PRR5L: variants seen among roughly 807,000 people sequenced by gnomAD.
PRR5L encodes the protein proline rich 5 like.
PRR5L carries 21 observed loss-of-function variants against 36.4 expected under a neutral mutation model. That is an observed-to-expected ratio of 0.58 (90% confidence interval 0.41 to 0.83). PRR5L has a LOEUF of 0.83. Ranked by LOEUF, PRR5L falls within the 40% of genes least tolerant of loss-of-function variation. The pLI, the probability that PRR5L is intolerant of heterozygous loss-of-function variation, is 0.00. For missense variants in PRR5L, 381 were observed against 473.3 expected (o/e 0.80, Z 1.81); for synonymous variants, 188 against 197.0 (o/e 0.95, Z 0.38).
At chr11:36,312,868 T>C (rs765589742) in intron 1 of PRR5L, among the ~76,000 whole-genome samples, 11 of 152,230 alleles carry the variant, frequency 7.2e-5, no homozygotes, top group Non-Finnish European at 1.5e-4. Context: ...TAGAACCAAG[T>C]CTATGGTTTC....
intron 1 of PRR5L, among the ~76,000 whole-genome samples, chr11:36,310,727 G>A (rs1332363579): frequency 6.6e-6 from 1 of 152,094 alleles, no homozygotes; most frequent in Non-Finnish European, 1.5e-5. Flanking sequence ...GGCTGGGTGT[G>A]GTGGCTCACG....
chr11:36,360,492 T>C (rs752563139), intron 1 of PRR5L, among the ~76,000 whole-genome samples: 45 of 152,104 alleles, frequency 3.0e-4, no homozygotes, highest in Non-Finnish European at 1.3e-4. Flanking sequence ...CAGGAAACCA[T>C]GACAAATATC....
intron 1 of PRR5L, among the ~76,000 whole-genome samples, chr11:36,333,597 T>A (rs1051485116): frequency 6.6e-6 from 1 of 152,194 alleles, no homozygotes; most frequent in Non-Finnish European, 1.5e-5. Flanking sequence ...TCAAAATAGT[T>A]ATGCTGAATG....
chr11:36,349,640 T>C (rs1426616753), intron 1 of PRR5L, among the ~76,000 whole-genome samples: 5 of 152,190 alleles, frequency 3.3e-5, no homozygotes, highest in Non-Finnish European at 2.9e-5. Flanking sequence ...CACAGTGTGT[T>C]TGAGGCACAT....
chr11:36,376,241 A>G, intron 1 of PRR5L: 1 of 1,241,244 alleles, frequency 8.1e-7, no homozygotes, highest in South Asian at 1.3e-5. Context: ...GGGTGAAGTG[A>G]GTTGGGGGAC....
chr11:36,451,143 A>G (rs1858935987), intron 7 of PRR5L, 66 bp from the exon 8 acceptor site: 2 of 1,581,678 alleles, frequency 1.3e-6, no homozygotes, highest in Non-Finnish European at 1.7e-6. Context: ...GGATTTGTTG[A>G]GTGAGAACCT....
intron 8 of PRR5L, among the ~76,000 whole-genome samples, chr11:36,455,793 G>C (rs1186208830): frequency 6.6e-6 from 1 of 152,192 alleles, no homozygotes; most frequent in African/African-American, 2.4e-5. Flanking sequence ...GGCCCAGCAG[G>C]CCTGACCTCC....
chr11:36,401,066 G>GTATCATTAAAAAA lies in PRR5L; in HGVS notation c.-56_-55insTATCATTAAAAAA. 6.3e-7 allele frequency: 1 copy of GTATCATTAAAAAA among 1,587,574 alleles called. No homozygotes were observed. The highest frequency in any genetic ancestry group is 1.7e-5 in the Admixed American group (1 of 57,320). Reference sequence around the variant, plus strand: ...GGCAGCCCCTGGAGAAGCCCTTTCCGAGGGCATTCGGAACCTTCTGGTCCT... The same window carrying GTATCATTAAAAAA: ...GGCAGCCCCTGGAGAAGCCCTTTCCGTATCATTAAAAAAAGGGCATTCGGAACCTTCTGGTCCT... On this transcript the variant is annotated 5_prime_UTR_variant, in exon 2 of 9. Coordinates refer to ENST00000530639, the MANE Select transcript of PRR5L (RefSeq NM_001160167.2).
At chr11:36,378,889 C>A (rs184209265) in intron 1 of PRR5L, among the ~76,000 whole-genome samples, 1 of 152,300 alleles carries the variant, frequency 6.6e-6, no homozygotes, top group East Asian at 1.9e-4. Context: ...GCCATACACA[C>A]AGGGATGGAG....
At chr11:36,416,876 T>C (rs192059725) in intron 3 of PRR5L, among the ~76,000 whole-genome samples, 20 of 152,280 alleles carry the variant, frequency 1.3e-4, no homozygotes, top group African/African-American at 4.8e-4. Flanking sequence ...AGGATGCTTT[T>C]CTGCATCCCG....
rs371086559 is a variant in PRR5L at position 36,417,001 on chromosome 11, T to C, written c.246-2254T>C. 3.9e-5 allele frequency among the ~76,000 whole-genome samples: 6 copies of C among 152,298 alleles called. No individual in the cohort carries two copies. In the South Asian group the frequency reaches 6.2e-4, roughly 16 times the overall value. On this transcript the variant is annotated intron_variant, in intron 3 of 8. Transcript: ENST00000530639. The stretch of plus-strand genomic sequence containing the variant: ...CTGCTCTCCAGGAGTGTGTCCATAG[T>C]TTTTTATTTTGAAGTCCCCCTTAAC...
intron 3 of PRR5L, among the ~76,000 whole-genome samples, chr11:36,414,229 A>C (rs1370595138): frequency 6.6e-6 from 1 of 151,484 alleles, no homozygotes; most frequent in African/African-American, 2.4e-5. Flanking sequence ...GTATATACCC[A>C]GTAATGGGAT....
chr11:36,454,465 T>C (rs1859007661), intron 8 of PRR5L, among the ~76,000 whole-genome samples: 1 of 151,808 alleles, frequency 6.6e-6, no homozygotes, highest in Admixed American at 6.6e-5. Flanking sequence ...AACTAAGGAG[T>C]TGGGTTGGGG....
intron 6 of PRR5L, among the ~76,000 whole-genome samples, chr11:36,443,992 G>A (rs180741210): frequency 1.3e-4 from 20 of 152,246 alleles, no homozygotes; most frequent in Non-Finnish European, 2.4e-4. Context: ...ATTTTTTTAC[G>A]ACTTTTTAAA....
At position 36,455,266 on chromosome 11, in the gene PRR5L, G is replaced by A. The variant is rs530325621; in HGVS notation, c.712+3931G>A. 7.2e-5 allele frequency: 11 copies of A among 152,750 alleles called. No homozygotes were observed. In the East Asian group the frequency reaches 2.1e-3, roughly 30 times the overall value. 9.5% of individuals were successfully genotyped at this position (152,750 alleles called of 1,614,324 possible). A position where few individuals can be genotyped will look rare whatever the true frequency, so the allele number is the denominator to read the frequency against. Reference sequence around the variant, plus strand: ...ATGGCCTTATTATGGCGGTCGCTCCGGTGGGGCCTGGCCAGGGAGCCTGGG... The same window carrying A: ...ATGGCCTTATTATGGCGGTCGCTCCAGTGGGGCCTGGCCAGGGAGCCTGGG... On this transcript the variant is annotated intron_variant, in intron 8 of 8. Coordinates refer to ENST00000530639, the MANE Select transcript of PRR5L (RefSeq NM_001160167.2).
At chr11:36,393,936 G>A (rs1054035978) in intron 1 of PRR5L, 1 of 152,226 alleles carries the variant, frequency 6.6e-6, no homozygotes, top group Admixed American at 6.5e-5. Context: ...GCAGCCATCT[G>A]TAAACCAAGG....
intron 4 of PRR5L, among the ~76,000 whole-genome samples, chr11:36,430,208 G>A (rs12418274): frequency 0.11 from 16,318 of 152,126 alleles, 1,143 homozygotes; most frequent in South Asian, 0.22. Context: ...TCAAAAGTTC[G>A]AGACCAGCCT....
intron 4 of PRR5L, among the ~76,000 whole-genome samples, chr11:36,427,013 T>A (rs1858397071): frequency 6.6e-6 from 1 of 152,224 alleles, no homozygotes; most frequent in African/African-American, 2.4e-5. Context: ...ATGGCCACCC[T>A]CTGCTCTGTT....
chr11:36,455,265 C>A (rs561198521), intron 8 of PRR5L: 1 of 152,580 alleles, frequency 6.6e-6, no homozygotes, highest in East Asian at 1.9e-4. Context: ...GCGGTCGCTC[C>A]GGTGGGGCCT....
Sources: allele counts gnomAD v4.1 joint callset (sites outside exome capture counted in the v4.1 genomes callset), GRCh38; gene constraint gnomAD v4.1.1; transcripts MANE v1.5; gene names NCBI Gene and HGNC (gene_info 2026-07-23, HGNC 2026-07-21).